MOB3B: variants seen among roughly 807,000 people sequenced by gnomAD.
The protein encoded by MOB3B is MOB kinase activator-like 2B.
MOB3B carries 7 observed loss-of-function variants against 18.7 expected under a neutral mutation model. The ratio of observed to expected loss-of-function variants is 0.37; its 90% CI spans 0.21 to 0.70. The LOEUF (loss-of-function observed/expected upper bound fraction) is 0.70, where lower values mean the gene tolerates loss of function less well. Ranked by LOEUF, MOB3B falls within the 30% of genes least tolerant of loss-of-function variation. The probability of loss-of-function intolerance (pLI) is 0.52; values close to 1 mark genes in which losing one functional copy is unlikely to be tolerated. For synonymous variants in MOB3B, 111 were observed against 99.9 expected, an observed-to-expected ratio of 1.11 and a Z score of -0.66; for missense variants, 253 against 281.3, an observed-to-expected ratio of 0.90 and a Z score of 0.72.
At chr9:27,363,787 G>T (rs1821307248) in intron 2 of MOB3B, among the ~76,000 whole-genome samples, 1 of 151,972 alleles carries the variant, frequency 6.6e-6, no homozygotes, top group African/African-American at 2.4e-5. Flanking sequence ...TGTCACCCAG[G>T]CTGGAGTGCA....
At chr9:27,450,070 A>G (rs190117240) in intron 2 of MOB3B, among the ~76,000 whole-genome samples, 1 of 152,006 alleles carries the variant, frequency 6.6e-6, no homozygotes, top group East Asian at 1.9e-4. Flanking sequence ...GATTATCCCT[A>G]TGGTTGACTT....
chr9:27,336,171 C>T (rs1820860130), intron 3 of MOB3B, among the ~76,000 whole-genome samples: 1 of 152,192 alleles, frequency 6.6e-6, no homozygotes, highest in Non-Finnish European at 1.5e-5. Context: ...GAAATTTGAA[C>T]TAACTTGCCC....
At chr9:27,334,890 C>A (rs1820841877) in intron 3 of MOB3B, among the ~76,000 whole-genome samples, 1 of 152,346 alleles carries the variant, frequency 6.6e-6, no homozygotes, top group Non-Finnish European at 1.5e-5. Context: ...GTGGCGCGAT[C>A]TCGGCTCACT....
At chr9:27,343,399 T>A (rs1820982274) in intron 3 of MOB3B, among the ~76,000 whole-genome samples, 1 of 149,062 alleles carries the variant, frequency 6.7e-6, no homozygotes. Flanking sequence ...GTTTATCTGC[T>A]GACCTTCCCT....
chr9:27,501,564 C>T (rs1052114543), intron 1 of MOB3B, among the ~76,000 whole-genome samples: 6 of 146,400 alleles, frequency 4.1e-5, no homozygotes, highest in Admixed American at 2.8e-4. Flanking sequence ...AACACTTGGA[C>T]ACAGGGAGAG....
chr9:27,457,377 G>C (rs904484448), intron 1 of MOB3B, among the ~76,000 whole-genome samples: 2 of 152,164 alleles, frequency 1.3e-5, no homozygotes, highest in African/African-American at 2.4e-5. Flanking sequence ...AGCCCAACAC[G>C]GAATCTGTTA....
chr9:27,399,028 T>G (rs1035360257), intron 2 of MOB3B, among the ~76,000 whole-genome samples: 11 of 152,078 alleles, frequency 7.2e-5, no homozygotes, highest in Admixed American at 2.0e-4. Flanking sequence ...CTCTTTCAAA[T>G]ATTTAAAATA....
In MOB3B at chr9:27,519,045, T is replaced by G. The variant is rs570905900; in HGVS notation, c.-199+10510A>C. 2.0e-5 allele frequency among the ~76,000 whole-genome samples: 3 copies of G among 152,292 alleles called. No individual in the cohort carries two copies. The East Asian group carries it at 5.8e-4, about 29-fold the overall frequency. ...CAGCCTCGGGGAATCCCAAGGAGAA[T>G]GCACCAGAAGTAGTATAGGACATTA... On this transcript the variant is annotated intron_variant, in intron 1 of 3. Transcript: ENST00000262244.
intron 2 of MOB3B, among the ~76,000 whole-genome samples, chr9:27,396,415 C>T (rs1821799863): frequency 6.6e-6 from 1 of 152,208 alleles, no homozygotes; most frequent in Admixed American, 6.5e-5. Context: ...CCCCAATTCA[C>T]ACACACCAGA....
chr9:27,465,721 A>G (rs972945991), intron 1 of MOB3B, among the ~76,000 whole-genome samples: 6 of 152,192 alleles, frequency 3.9e-5, no homozygotes, highest in Non-Finnish European at 7.3e-5. Flanking sequence ...CCAAACCTCA[A>G]TTCTTGACTT....
At chr9:27,384,392 A>C (rs747949537) in intron 2 of MOB3B, among the ~76,000 whole-genome samples, 3 of 152,204 alleles carry the variant, frequency 2.0e-5, no homozygotes, top group Non-Finnish European at 4.4e-5. Context: ...TATTGGTTCC[A>C]GAGATGGGAC....
At chr9:27,384,012 G>C (rs1314988666) in intron 2 of MOB3B, among the ~76,000 whole-genome samples, 3 of 152,176 alleles carry the variant, frequency 2.0e-5, no homozygotes, top group Non-Finnish European at 4.4e-5. Flanking sequence ...AAGGCTCTGA[G>C]AAATTCTACA....
At position 27,489,741 on chromosome 9, in the gene MOB3B, C is replaced by CTTTTTTTTTTTTTTTTTTTTTTT. The variant is rs66757462; in HGVS notation, c.-198-33994_-198-33993insAAAAAAAAAAAAAAAAAAAAAAA. Among the ~76,000 whole-genome samples the CTTTTTTTTTTTTTTTTTTTTTTT allele has an allele frequency of 1.2e-4, 9 of 73,114 alleles. 1 individual carries two copies. The highest frequency in any genetic ancestry group is 2.1e-4 in the Non-Finnish European group (8 of 38,980). 48.0% of individuals were successfully genotyped at this position (73,114 alleles called of 152,430 possible). On this transcript the variant is annotated intron_variant, in intron 1 of 3. Coordinates refer to ENST00000262244, the MANE Select transcript of MOB3B (RefSeq NM_024761.5). ...ACATCACACCAGATAAGGAAATAAT[C>CTTTTTTTTTTTTTTTTTTTTTTT]TTTTTTTTTTTTTGGTCCAACAGGG...
chr9:27,396,316 T>C (rs1039693095), intron 2 of MOB3B, among the ~76,000 whole-genome samples: 4 of 152,168 alleles, frequency 2.6e-5, no homozygotes, highest in Admixed American at 6.5e-5. Context: ...TCTCTATTCA[T>C]AGCTTTCGTC....
At chr9:27,523,464 C>CAAAAAAAAAAAAAAAAAAAAAAA (rs55637136) in intron 1 of MOB3B, among the ~76,000 whole-genome samples, 5 of 141,682 alleles carry the variant, frequency 3.5e-5, no homozygotes, top group South Asian at 2.3e-4. Context: ...TAAACTGCAC[C>CAAAAAAAAAAAAAAAAAAAAAAA]AAAAAAAAAA....
chr9:27,483,917 A>G (rs1310402290), intron 1 of MOB3B, among the ~76,000 whole-genome samples: 1 of 152,182 alleles, frequency 6.6e-6, no homozygotes, highest in African/African-American at 2.4e-5. Context: ...CAAAAAAGCT[A>G]CAGACTCTGG....
In MOB3B at chr9:27,424,238, G is replaced by C. The variant is rs577521688; in HGVS notation, c.418+30895C>G. Among the ~76,000 whole-genome samples, 10 of 152,296 alleles carry C rather than the reference G, an allele frequency of 6.6e-5. No homozygotes were observed. The South Asian group carries it at 1.0e-3, about 16-fold the overall frequency. ...TTTACTGTTTCTGTGGCTTCTTAAAGACACTAAGACTACAGACAATGAACT... is the reference window on the plus strand; with the variant it reads ...TTTACTGTTTCTGTGGCTTCTTAAACACACTAAGACTACAGACAATGAACT... On this transcript the variant is annotated intron_variant, in intron 2 of 3. Transcript: ENST00000262244.
At chr9:27,498,890 T>G (rs1270723837) in intron 1 of MOB3B, among the ~76,000 whole-genome samples, 1 of 152,230 alleles carries the variant, frequency 6.6e-6, no homozygotes, top group Non-Finnish European at 1.5e-5. Flanking sequence ...ATCAACACTT[T>G]CTATGAGCAA....
chr9:27,385,210 C>T (rs1442177249), intron 2 of MOB3B, among the ~76,000 whole-genome samples: 2 of 152,172 alleles, frequency 1.3e-5, no homozygotes, highest in East Asian at 3.8e-4. Flanking sequence ...TAACATACTC[C>T]TCTGAATTCT....
Sources: allele counts gnomAD v4.1 joint callset (sites outside exome capture counted in the v4.1 genomes callset), GRCh38; gene constraint gnomAD v4.1.1; transcripts MANE v1.5; gene names NCBI Gene and HGNC (gene_info 2026-07-23, HGNC 2026-07-21).